Variants in BCLAF1 observed in about 807,000 individuals in gnomAD.
BCLAF1 encodes BCL2 associated transcription factor 1.
A neutral mutation model predicts 99.5 loss-of-function variants in BCLAF1; 10 were observed. The ratio of observed to expected loss-of-function variants is 0.10; its 90% CI spans 0.06 to 0.17. The LOEUF (loss-of-function observed/expected upper bound fraction) is 0.17. BCLAF1 is among the 10% of genes least tolerant of loss of function. BCLAF1 has a pLI of 1.00. For missense variants in BCLAF1, 636 were observed against 1,105.8 expected (o/e 0.58, Z 6.02); for synonymous variants, 255 against 370.9 (o/e 0.69, Z 3.59).
intron 11 of BCLAF1, among the ~76,000 whole-genome samples, chr6:136,264,215 T>C (rs1781415984): frequency 6.6e-6 from 1 of 152,152 alleles, no homozygotes; most frequent in South Asian, 2.1e-4. Context: ...CTAAGCTTTT[T>C]TGTTTGTTTG....
In BCLAF1 at chr6:136,257,479, T is replaced by C. The variant is rs1780530564; in HGVS notation, c.*3631A>G. 1 of 152,118 alleles carries C rather than the reference T, an allele frequency of 6.6e-6. No homozygotes were observed. Among genetic ancestry groups the C allele is most frequent in the African/African-American group, 2.4e-5 (1 of 41,440 alleles). The allele number at this position is 152,118 out of a possible 1,614,324, so 9.4% of individuals were successfully genotyped here. Reference sequence around the variant, plus strand: ...GAGTCCAGCTCATAAATCAACACAATCTCTGTGGCTCTCAAGTCAATTAAA... The same window carrying C: ...GAGTCCAGCTCATAAATCAACACAACCTCTGTGGCTCTCAAGTCAATTAAA... On this transcript the variant is annotated 3_prime_UTR_variant, in exon 13 of 13. Transcript: ENST00000531224.
intron 4 of BCLAF1, among the ~76,000 whole-genome samples, chr6:136,277,588 G>A (rs1378831519): frequency 6.6e-6 from 1 of 152,092 alleles, no homozygotes; most frequent in East Asian, 1.9e-4. Flanking sequence ...TGCAGTAGGC[G>A]CAATCATAGC....
intron 4 of BCLAF1, among the ~76,000 whole-genome samples, chr6:136,277,236 C>A (rs953455183): frequency 3.3e-5 from 5 of 152,154 alleles, no homozygotes; most frequent in African/African-American, 1.2e-4. Flanking sequence ...GTGAGAAATA[C>A]CATTACCTTT....
rs537548893 is a variant in BCLAF1 at position 136,288,813 on chromosome 6, C to T, written c.-115+900G>A. Among the ~76,000 whole-genome samples, 33 of 152,336 alleles carry T rather than the reference C, an allele frequency of 2.2e-4. No individual in the cohort carries two copies. In the East Asian group the frequency reaches 6.4e-3, roughly 29 times the overall value. ...CGCCACTCCCACCCATTTCTCACAC[C>T]AGCTGTCCACCAATCGTGGCTGCAA... is the stretch of plus-strand genomic sequence containing the variant. On this transcript the variant is annotated intron_variant, in intron 1 of 12. Coordinates refer to ENST00000531224, the MANE Select transcript of BCLAF1 (RefSeq NM_014739.3).
intron 11 of BCLAF1, 100 bp downstream of exon 11, chr6:136,266,929 G>C (rs1781799786): frequency 5.7e-6 from 8 of 1,402,802 alleles, no homozygotes; most frequent in Non-Finnish European, 7.7e-6. Context: ...ACATAACGGT[G>C]AATCTTCTTA....
At position 136,289,844 on chromosome 6, in the gene BCLAF1, T is replaced by A. The variant is rs531367330; in HGVS notation, c.-246A>T. On this transcript the variant is annotated 5_prime_UTR_variant, in exon 1 of 13. Transcript: ENST00000531224. ...GCTAGCACGTCTCCGTCACTTCCGA[T>A]CTGGGGCGTGGCCTCGGGTGCCGCT... is the stretch of plus-strand genomic sequence containing the variant. The A allele has an allele frequency of 6.5e-6, 1 of 152,686 alleles. No homozygotes were observed. Among genetic ancestry groups the A allele is most frequent in the African/African-American group, 2.4e-5 (1 of 41,472 alleles). The allele number at this position is 152,686 out of a possible 1,614,324, so 9.5% of individuals were successfully genotyped here. A position where few individuals can be genotyped will look rare whatever the true frequency, so the allele number is the denominator to read the frequency against.
chr6:136,267,676 A>G (rs573254377), intron 10 of BCLAF1, among the ~76,000 whole-genome samples: 2 of 152,084 alleles, frequency 1.3e-5, no homozygotes, highest in African/African-American at 4.8e-5. Context: ...ATTAATAATT[A>G]TAACGACTTA....
At position 136,284,819 on chromosome 6, in the gene BCLAF1, A is replaced by G. The variant is rs72975557; in HGVS notation, c.-114-2132T>C. Among the ~76,000 whole-genome samples, 776 of 152,090 alleles carry G rather than the reference A, an allele frequency of 5.1e-3. 2 individuals are homozygous for G. Among genetic ancestry groups the G allele is most frequent in the Non-Finnish European group, 8.2e-3 (556 of 67,964 alleles). On this transcript the variant is annotated intron_variant, in intron 1 of 12. Transcript: ENST00000531224. Reference sequence around the variant, plus strand: ...ACAAGGAAAAAATCAAATAGTGGCAAGTGCCACATTGGAGGGGGGGGAAAA... The same window carrying G: ...ACAAGGAAAAAATCAAATAGTGGCAGGTGCCACATTGGAGGGGGGGGAAAA...
intron 8 of BCLAF1, among the ~76,000 whole-genome samples, chr6:136,271,556 T>TC (rs1388199585): frequency 6.6e-6 from 1 of 151,954 alleles, no homozygotes; most frequent in Non-Finnish European, 1.5e-5. Context: ...AATGCTTATT[T>TC]CTTAATCCAC....
At chr6:136,277,083 C>T (rs2128481782) in intron 4 of BCLAF1, among the ~76,000 whole-genome samples, 1 of 152,296 alleles carries the variant, frequency 6.6e-6, no homozygotes, top group African/African-American at 2.4e-5. Flanking sequence ...CAGTGCTATT[C>T]CACAAACAGC....
chr6:136,284,126 G>GTATATATA (rs1212310238), intron 1 of BCLAF1, among the ~76,000 whole-genome samples: 12 of 76,162 alleles, frequency 1.6e-4, no homozygotes, highest in African/African-American at 1.0e-3. Flanking sequence ...ATGTGTGTGT[G>GTATATATA]TGTGTATATA....
intron 4 of BCLAF1, among the ~76,000 whole-genome samples, chr6:136,277,252 A>G (rs1166860124): frequency 1.3e-5 from 2 of 152,240 alleles, no homozygotes; most frequent in East Asian, 3.8e-4. Flanking sequence ...CCTTTTGTAT[A>G]GTCAGGCTGA....
intron 10 of BCLAF1, among the ~76,000 whole-genome samples, chr6:136,267,733 T>G (rs1781920669): frequency 6.6e-6 from 1 of 151,994 alleles, no homozygotes; most frequent in African/African-American, 2.4e-5. Flanking sequence ...ATTTATATGA[T>G]TTCTATGATT....
At chr6:136,281,179 C>A (rs1784344920) in intron 2 of BCLAF1, among the ~76,000 whole-genome samples, 2 of 152,140 alleles carry the variant, frequency 1.3e-5, no homozygotes, top group African/African-American at 4.8e-5. Flanking sequence ...TAGACTACCA[C>A]CTTTGTCTTC....
At position 136,258,768 on chromosome 6, in the gene BCLAF1, T is replaced by C. The variant is rs183694019; in HGVS notation, c.*2342A>G. ...TGACAAAAGGAACAATAGTAATTCC[T>C]TGAAGAAGACTAACTGGAAAAAACA... On this transcript the variant is annotated 3_prime_UTR_variant, in exon 13 of 13. Coordinates refer to ENST00000531224, the MANE Select transcript of BCLAF1 (RefSeq NM_014739.3). The C allele has an allele frequency of 9.2e-5, 14 of 152,634 alleles. No individual in the cohort carries two copies. The South Asian group carries it at 1.4e-3, about 16-fold the overall frequency. The allele number at this position is 152,634 out of a possible 1,614,324, so 9.5% of individuals were successfully genotyped here. A position where few individuals can be genotyped will look rare whatever the true frequency, so the allele number is the denominator to read the frequency against.
chr6:136,264,619 T>A (rs1231479445), intron 11 of BCLAF1, among the ~76,000 whole-genome samples: 2 of 152,216 alleles, frequency 1.3e-5, no homozygotes, highest in Non-Finnish European at 2.9e-5. Flanking sequence ...TTCTTCTGAA[T>A]CATATTTTTC....
chr6:136,274,074 C>T lies in BCLAF1; in HGVS notation c.1853-887G>A, dbSNP rs776541254. 2.4e-5 allele frequency: 31 copies of T among 1,288,144 alleles called. No individual in the cohort carries two copies. The South Asian group carries it at 3.7e-4, about 15-fold the overall frequency. The allele number at this position is 1,288,144 out of a possible 1,614,324, so 79.8% of individuals were successfully genotyped here. On this transcript the variant is annotated intron_variant, in intron 6 of 12. Transcript: ENST00000531224. ...GAAACCCAGGAATTTGAGCTAGCAA[C>T]TCAGTTTTTATGCCATTTTTGCCAG... is the stretch of plus-strand genomic sequence containing the variant.
At chr6:136,277,792 C>T (rs747265093) in intron 4 of BCLAF1, 73 bp downstream of exon 4, 15 of 1,483,780 alleles carry the variant, frequency 1.0e-5, no homozygotes, top group African/African-American at 7.1e-5. Flanking sequence ...CACAATTTTA[C>T]GTTTATAATT....
At position 136,261,117 on chromosome 6, in the gene BCLAF1, TAA is replaced by T; in HGVS notation, c.2758-4_2758-3del. 1 of 1,579,048 alleles carries T rather than the reference TAA, an allele frequency of 6.3e-7. No individual in the cohort carries two copies. Among genetic ancestry groups the T allele is most frequent in the Middle Eastern group, 1.7e-4 (1 of 5,890 alleles). On this transcript the variant is annotated splice_polypyrimidine_tract_variant and splice_region_variant and intron_variant, in intron 12 of 12. Coordinates refer to ENST00000531224, the MANE Select transcript of BCLAF1 (RefSeq NM_014739.3). ...AATCTTACTTCATATTTATTATTCC[TAA>T]AAGAGAGAGAAAAAATTAAAGATTA...
Sources: gnomAD v4.1 joint callset for allele counts (sites outside exome capture counted in the v4.1 genomes callset) on GRCh38, gnomAD v4.1.1 for gene constraint, MANE v1.5 for transcripts, NCBI Gene and HGNC (gene_info 2026-07-23, HGNC 2026-07-21) for gene names.